Variants in ITPR2 observed in about 807,000 individuals in gnomAD.
The protein encoded by ITPR2 is inositol 1,4,5-trisphosphate-gated calcium channel ITPR2.
A neutral mutation model predicts 317.1 loss-of-function variants in ITPR2; 207 were observed. That is an observed-to-expected ratio of 0.65 (90% CI 0.58 to 0.73). ITPR2 has a LOEUF of 0.73. Among genes scored for constraint, ITPR2 ranks in the 30% least tolerant of loss-of-function variants. The pLI, the probability that ITPR2 is intolerant of heterozygous loss-of-function variation, is 0.00. For synonymous variants in ITPR2, 1,156 were observed against 1,149.1 expected (o/e 1.01, Z -0.12); for missense variants, 2,613 against 3,284.0 (o/e 0.80, Z 4.99).
At chr12:26,591,154 G>A (rs4377002) in intron 32 of ITPR2, among the ~76,000 whole-genome samples, 38,869 of 147,228 alleles carry the variant, frequency 0.26, 5,870 homozygotes, top group Non-Finnish European at 0.35. Flanking sequence ...ATAATCCACA[G>A]AATGAGAGAG....
At chr12:26,651,706 C>T (rs1947258986) in intron 21 of ITPR2, among the ~76,000 whole-genome samples, 1 of 152,236 alleles carries the variant, frequency 6.6e-6, no homozygotes, top group South Asian at 2.1e-4. Context: ...ATACCGATGA[C>T]ATTTACACAT....
intron 37 of ITPR2, among the ~76,000 whole-genome samples, chr12:26,525,698 T>A (rs1943794221): frequency 6.6e-6 from 1 of 152,208 alleles, no homozygotes; most frequent in African/African-American, 2.4e-5. Flanking sequence ...ACAAACCACA[T>A]CCTGAACAAA....
intron 45 of ITPR2, among the ~76,000 whole-genome samples, chr12:26,465,975 C>T (rs973964722): frequency 2.0e-5 from 3 of 152,170 alleles, no homozygotes; most frequent in Non-Finnish European, 4.4e-5. Context: ...TTTTCACATA[C>T]CTGGGCAAGT....
intron 8 of ITPR2, among the ~76,000 whole-genome samples, chr12:26,714,634 T>C (rs1057257875): frequency 2.0e-5 from 3 of 152,180 alleles, no homozygotes; most frequent in Non-Finnish European, 4.4e-5. Flanking sequence ...AGGTGAAGAA[T>C]TTGAAATGGT....
intron 49 of ITPR2, chr12:26,421,504 T>C (rs545079065): frequency 1.5e-5 from 2 of 129,124 alleles, no homozygotes; most frequent in African/African-American, 6.3e-5. Flanking sequence ...TGAATTCTCC[T>C]TTCTTCATGA....
At chr12:26,657,957 A>C (rs1947412062) in intron 17 of ITPR2, 54 bp downstream of exon 17, 1 of 1,603,362 alleles carries the variant, frequency 6.2e-7, no homozygotes, top group African/African-American at 1.3e-5. Flanking sequence ...ACAAAGAATT[A>C]CAGTGCTTAC....
intron 9 of ITPR2, among the ~76,000 whole-genome samples, chr12:26,709,029 A>G (rs1948603203): frequency 6.6e-6 from 1 of 152,202 alleles, no homozygotes; most frequent in African/African-American, 2.4e-5. Flanking sequence ...ACTAGAAATC[A>G]TTGTGATTTG....
At chr12:26,746,086 T>C (rs1949317563) in intron 2 of ITPR2, among the ~76,000 whole-genome samples, 1 of 152,036 alleles carries the variant, frequency 6.6e-6, no homozygotes, top group Non-Finnish European at 1.5e-5. Context: ...TTAAATTTCT[T>C]CTAAATTACC....
chr12:26,766,660 A>G (rs1592108230), intron 2 of ITPR2, among the ~76,000 whole-genome samples: 2 of 152,134 alleles, frequency 1.3e-5, no homozygotes, highest in Non-Finnish European at 1.5e-5. Context: ...TTTGTCACCT[A>G]TGGTTTGGTG....
chr12:26,557,141 T>C (rs1219793971), intron 35 of ITPR2, among the ~76,000 whole-genome samples: 2 of 152,150 alleles, frequency 1.3e-5, no homozygotes, highest in Admixed American at 6.5e-5. Flanking sequence ...TTTCATCCAA[T>C]GGGGAAAGTC....
chr12:26,615,138 T>A (rs959643314), intron 26 of ITPR2, among the ~76,000 whole-genome samples: 1 of 152,104 alleles, frequency 6.6e-6, no homozygotes, highest in Admixed American at 6.5e-5. Context: ...AAAAAAGATA[T>A]GAGCGCATAA....
chr12:26,817,257 G>A (rs1184331022), intron 1 of ITPR2, among the ~76,000 whole-genome samples: 2 of 150,674 alleles, frequency 1.3e-5, no homozygotes, highest in East Asian at 1.9e-4. Context: ...ACAAGATGAC[G>A]TTTGTATCTC....
At chr12:26,766,834 T>C (rs1949728549) in intron 2 of ITPR2, among the ~76,000 whole-genome samples, 1 of 152,162 alleles carries the variant, frequency 6.6e-6, no homozygotes, top group African/African-American at 2.4e-5. Context: ...ATTTCCTATA[T>C]TCTAAAGAGA....
At chr12:26,608,525 C>A (rs1175001830) in intron 26 of ITPR2, among the ~76,000 whole-genome samples, 1 of 144,220 alleles carries the variant, frequency 6.9e-6, no homozygotes, top group African/African-American at 2.5e-5. Context: ...TCTGCTTGGC[C>A]GCCCCACTCG....
At chr12:26,514,801 T>C (rs895639971) in intron 37 of ITPR2, among the ~76,000 whole-genome samples, 2 of 152,246 alleles carry the variant, frequency 1.3e-5, no homozygotes, top group Admixed American at 6.5e-5. Context: ...AAATAAGATT[T>C]AATGAAGAGC....
intron 9 of ITPR2, 127 bp from the exon 10 acceptor site, chr12:26,695,777 A>G (rs560077799): frequency 1.6e-6 from 1 of 644,588 alleles, no homozygotes; most frequent in African/African-American, 1.8e-5. Context: ...CTAAGAAAGA[A>G]ACTATTAGTA....
At chr12:26,605,428 CACAA>C (rs1281645500) in intron 26 of ITPR2, among the ~76,000 whole-genome samples, 3 of 151,978 alleles carry the variant, frequency 2.0e-5, no homozygotes, top group African/African-American at 7.2e-5. Flanking sequence ...AACATATACA[CACAA>C]ACACACACAC....
intron 2 of ITPR2, among the ~76,000 whole-genome samples, chr12:26,726,540 G>GTAGTAA (rs2137052441): frequency 6.6e-6 from 1 of 152,228 alleles, no homozygotes; most frequent in South Asian, 2.1e-4. Flanking sequence ...TCATAAAAGA[G>GTAGTAA]TAGTAATACA....
chr12:26,682,056 CT>C lies in ITPR2; in HGVS notation c.1249-23del, dbSNP rs1426846036. ...CAATCTGAAATGTTTTTCCATTAAGCTTAGTTTTATAAACAACTATACAATA... is the reference window on the plus strand; with the variant it reads ...CAATCTGAAATGTTTTTCCATTAAGCTAGTTTTATAAACAACTATACAATA... On this transcript the variant is annotated intron_variant, in intron 12 of 56. Coordinates refer to ENST00000381340, the MANE Select transcript of ITPR2 (RefSeq NM_002223.4). 1.9e-6 allele frequency: 3 copies of C among 1,600,658 alleles called. No individual in the cohort carries two copies. The East Asian group carries it at 6.7e-5, about 36-fold the overall frequency.
Sources: allele counts gnomAD v4.1 joint callset (sites outside exome capture counted in the v4.1 genomes callset), GRCh38; gene constraint gnomAD v4.1.1; transcripts MANE v1.5; gene names NCBI Gene and HGNC (gene_info 2026-07-23, HGNC 2026-07-21).